The following XKR4 variants were observed in gnomAD, a reference collection of about 807,000 sequenced individuals.
XKR4 encodes XK-related protein 4.
In XKR4, 12 loss-of-function variants were observed where a neutral mutation model predicts 53.9. The ratio of observed to expected loss-of-function variants is 0.22; its 90% CI spans 0.14 to 0.36. The LOEUF (loss-of-function observed/expected upper bound fraction) is 0.36. XKR4 is among the 10% of genes least tolerant of loss of function. The probability of loss-of-function intolerance (pLI) is 1.00; values close to 1 mark genes in which losing one functional copy is unlikely to be tolerated. For synonymous variants in XKR4, 354 were observed against 362.4 expected (o/e 0.98, Z 0.26); for missense variants, 799 against 859.5 (o/e 0.93, Z 0.88).
chr8:55,295,473 C>T (rs1819088437), intron 1 of XKR4, among the ~76,000 whole-genome samples: 1 of 152,120 alleles, frequency 6.6e-6, no homozygotes, highest in African/African-American at 2.4e-5. Context: ...TGGGCACTTA[C>T]TATGTGCTGG....
intron 2 of XKR4, among the ~76,000 whole-genome samples, chr8:55,470,753 T>C (rs908866223): frequency 7.9e-5 from 12 of 152,316 alleles, no homozygotes; most frequent in Admixed American, 5.2e-4. Context: ...CTTCTCATTA[T>C]AATTTATGGA....
intron 2 of XKR4, among the ~76,000 whole-genome samples, chr8:55,441,864 G>C (rs2129394954): frequency 6.6e-6 from 1 of 151,974 alleles, no homozygotes; most frequent in Non-Finnish European, 1.5e-5. Context: ...ACAGTGTTTA[G>C]AAGAAAACAA....
intron 2 of XKR4, among the ~76,000 whole-genome samples, chr8:55,438,886 G>A (rs1247514993): frequency 6.6e-6 from 1 of 152,168 alleles, no homozygotes; most frequent in Non-Finnish European, 1.5e-5. Flanking sequence ...GAGAGCATCT[G>A]TTCATTTCTA....
In XKR4 at chr8:55,353,919, G is replaced by T. The variant is rs190150904; in HGVS notation, c.807-3759G>T. 2.6e-4 allele frequency among the ~76,000 whole-genome samples: 39 copies of T among 152,298 alleles called. No individual in the cohort carries two copies. The East Asian group carries it at 4.6e-3, about 18-fold the overall frequency. ...TAGAGTTCATACAGAGCAGCCAAAG[G>T]TTCAAGGGAATGATTAAAGCCATTT... On this transcript the variant is annotated intron_variant, in intron 1 of 2. Coordinates refer to ENST00000327381, the MANE Select transcript of XKR4 (RefSeq NM_052898.2).
At chr8:55,493,573 G>C (rs2622579) in intron 2 of XKR4, among the ~76,000 whole-genome samples, 71,734 of 152,156 alleles carry the variant, frequency 0.47, 18,532 homozygotes, top group African/African-American at 0.69. Context: ...GTATAAAAGA[G>C]CAAGTATGGG....
intron 1 of XKR4, among the ~76,000 whole-genome samples, chr8:55,184,921 C>T (rs1817356603): frequency 6.6e-6 from 1 of 151,802 alleles, no homozygotes; most frequent in African/African-American, 2.4e-5. Flanking sequence ...ATTTAATTCC[C>T]AAAAGTTATG....
chr8:55,361,933 C>T (rs183523271), intron 2 of XKR4, among the ~76,000 whole-genome samples: 9 of 152,256 alleles, frequency 5.9e-5, no homozygotes, highest in Admixed American at 3.3e-4. Flanking sequence ...CCTAACTGCT[C>T]GTTCACATTT....
chr8:55,316,245 C>A (rs771600844), intron 1 of XKR4, among the ~76,000 whole-genome samples: 1 of 152,094 alleles, frequency 6.6e-6, no homozygotes, highest in Non-Finnish European at 1.5e-5. Flanking sequence ...TGTTTCCTAC[C>A]AAAACACCAA....
In XKR4 at chr8:55,429,501, C is replaced by A. The variant is rs1585568721; in HGVS notation, c.1006+71624C>A. Among the ~76,000 whole-genome samples, 3 of 151,946 alleles carry A rather than the reference C, an allele frequency of 2.0e-5. No individual in the cohort carries two copies. In the East Asian group the frequency reaches 5.8e-4, roughly 29 times the overall value. On this transcript the variant is annotated intron_variant, in intron 2 of 2. Transcript: ENST00000327381. ...AGGCAGGAGAATTGCTTGAGGCCAG[C>A]AGTTCAAGACCAGCCTGGGCAACAT...
chr8:55,348,545 T>A (rs989388005), intron 1 of XKR4, among the ~76,000 whole-genome samples: 4 of 152,130 alleles, frequency 2.6e-5, no homozygotes, highest in Non-Finnish European at 4.4e-5. Flanking sequence ...CTGTCAGCCA[T>A]CCTCCTCTCC....
At chr8:55,177,327 A>G (rs1817249164) in intron 1 of XKR4, among the ~76,000 whole-genome samples, 1 of 152,120 alleles carries the variant, frequency 6.6e-6, no homozygotes, top group African/African-American at 2.4e-5. Flanking sequence ...GTGAGCCACC[A>G]TGCCTGACCA....
chr8:55,331,841 T>C (rs1344233914), intron 1 of XKR4, among the ~76,000 whole-genome samples: 1 of 152,180 alleles, frequency 6.6e-6, no homozygotes, highest in Non-Finnish European at 1.5e-5. Flanking sequence ...AGATATAAGA[T>C]ATGTGTCTTA....
At chr8:55,356,613 C>T (rs1439730864) in intron 1 of XKR4, among the ~76,000 whole-genome samples, 1 of 151,910 alleles carries the variant, frequency 6.6e-6, no homozygotes, top group African/African-American at 2.4e-5. Flanking sequence ...AATGTGATCA[C>T]AATATTGGTT....
At chr8:55,361,741 G>A (rs1400460558) in intron 2 of XKR4, among the ~76,000 whole-genome samples, 3 of 152,058 alleles carry the variant, frequency 2.0e-5, no homozygotes, top group Admixed American at 6.5e-5. Context: ...CTCCTCATTA[G>A]TCACTGCTCT....
At chr8:55,262,773 G>A (rs1441681897) in intron 1 of XKR4, among the ~76,000 whole-genome samples, 3 of 152,164 alleles carry the variant, frequency 2.0e-5, no homozygotes, top group African/African-American at 7.2e-5. Context: ...GGTAGAGCTG[G>A]CATTAGATGC....
chr8:55,394,687 T>C (rs1804490176), intron 2 of XKR4, among the ~76,000 whole-genome samples: 1 of 152,190 alleles, frequency 6.6e-6, no homozygotes, highest in Non-Finnish European at 1.5e-5. Context: ...AGCTATTCCA[T>C]AAGCATTTCT....
rs202186874 is a variant in XKR4, at chr8:55,523,753, T to C, written c.1479T>C (p.Cys493=). ...IADAFAIPAL[C]VVFSSFLTGV... is the part of the protein sequence containing the mutation. ...ACGCATTTGCCATTCCAGCGCTGTG[T>C]GTGGTGTTCAGCAGCTTTTTAACTG... Residue 493 remains cysteine, a synonymous_variant, in exon 3 of 3, where the codon TGT becomes TGC. Transcript: ENST00000327381. 6.2e-7 allele frequency: 1 copy of C among 1,614,152 alleles called. No homozygotes were observed. Among genetic ancestry groups the C allele is most frequent in the East Asian group, 2.2e-5 (1 of 44,886 alleles).
intron 1 of XKR4, among the ~76,000 whole-genome samples, chr8:55,189,140 G>A (rs1005112411): frequency 3.3e-5 from 5 of 152,154 alleles, no homozygotes; most frequent in Admixed American, 6.5e-5. Flanking sequence ...TTGTGATTTC[G>A]ATAGGTTTAG....
intron 2 of XKR4, among the ~76,000 whole-genome samples, chr8:55,396,468 A>G (rs932708305): frequency 3.3e-5 from 4 of 122,320 alleles, no homozygotes; most frequent in Admixed American, 1.1e-4. Context: ...TTGGGGATCA[A>G]TTTGAGAGCT....
Sources: gnomAD v4.1 joint callset for allele counts (sites outside exome capture counted in the v4.1 genomes callset) on GRCh38, gnomAD v4.1.1 for gene constraint, MANE v1.5 for transcripts, NCBI Gene and HGNC (gene_info 2026-07-23, HGNC 2026-07-21) for gene names.